The following CDYL2 variants were observed in gnomAD, a reference collection of about 807,000 sequenced individuals.
The protein encoded by CDYL2 is chromodomain Y like 2.
In CDYL2, 23 loss-of-function variants were observed where a neutral mutation model predicts 49.4. The ratio of observed to expected loss-of-function variants is 0.47; its 90% CI spans 0.34 to 0.66. The LOEUF (loss-of-function observed/expected upper bound fraction) is 0.66, where lower values mean the gene tolerates loss of function less well. Among genes scored for constraint, CDYL2 ranks in the 30% least tolerant of loss-of-function variants. The probability of loss-of-function intolerance (pLI) is 0.01; values close to 1 mark genes in which losing one functional copy is unlikely to be tolerated. For missense variants in CDYL2, 678 were observed against 656.4 expected (o/e 1.03, Z -0.36); for synonymous variants, 360 against 268.8 (o/e 1.34, Z -3.32).
rs11314867 is a variant in CDYL2 at position 80,659,670 on chromosome 16, T to TA, written c.616+24867dup. On this transcript the variant is annotated intron_variant, in intron 2 of 6. Coordinates refer to ENST00000570137, the MANE Select transcript of CDYL2 (RefSeq NM_152342.4). ...CACACACAGAAAGAGAGAAAAAAGT[T>TA]AAAAAAACTGGTTAATCAGAAAATG... is the stretch of plus-strand genomic sequence containing the variant. 2.2e-4 allele frequency among the ~76,000 whole-genome samples: 33 copies of TA among 151,706 alleles called. No individual in the cohort carries two copies. In the South Asian group the frequency reaches 6.5e-3, roughly 30 times the overall value.
chr16:80,627,037 A>AT (rs1272048421), intron 3 of CDYL2, among the ~76,000 whole-genome samples: 9 of 152,020 alleles, frequency 5.9e-5, no homozygotes, highest in Non-Finnish European at 7.4e-5. Flanking sequence ...CTGTTGGATG[A>AT]TTTTTTTTAA....
At chr16:80,668,803 G>A (rs951983993) in intron 2 of CDYL2, among the ~76,000 whole-genome samples, 1 of 152,122 alleles carries the variant, frequency 6.6e-6, no homozygotes, top group East Asian at 1.9e-4. Context: ...GGAGGCTGAG[G>A]CAGGACAACC....
At chr16:80,605,821 T>G (rs1567536505) in intron 6 of CDYL2, among the ~76,000 whole-genome samples, 1 of 152,238 alleles carries the variant, frequency 6.6e-6, no homozygotes, top group Non-Finnish European at 1.5e-5. Context: ...TCCTGAATTC[T>G]TTCATTTACT....
At chr16:80,790,210 T>C (rs1907566197) in intron 1 of CDYL2, among the ~76,000 whole-genome samples, 1 of 152,164 alleles carries the variant, frequency 6.6e-6, no homozygotes, top group African/African-American at 2.4e-5. Context: ...ATTCATTAAG[T>C]CAATAACCTA....
intron 2 of CDYL2, among the ~76,000 whole-genome samples, chr16:80,647,722 C>T (rs898489690): frequency 6.6e-6 from 1 of 152,138 alleles, no homozygotes; most frequent in Non-Finnish European, 1.5e-5. Flanking sequence ...AATCCAATGG[C>T]TGCAGCATTC....
At chr16:80,720,090 G>A (rs989206904) in intron 1 of CDYL2, among the ~76,000 whole-genome samples, 1 of 152,168 alleles carries the variant, frequency 6.6e-6, no homozygotes, top group African/African-American at 2.4e-5. Context: ...AGGCAGAAAT[G>A]GGCAGGTAGA....
At chr16:80,665,498 T>C (rs1909222867) in intron 2 of CDYL2, among the ~76,000 whole-genome samples, 1 of 101,364 alleles carries the variant, frequency 9.9e-6, no homozygotes, top group Admixed American at 1.2e-4. Context: ...ATTGAGGTTT[T>C]TGCCATTAAA....
At chr16:80,780,060 T>G (rs1597130277) in intron 1 of CDYL2, among the ~76,000 whole-genome samples, 1 of 152,128 alleles carries the variant, frequency 6.6e-6, no homozygotes, top group East Asian at 1.9e-4. Context: ...AGTCCCAAAC[T>G]TCATATAATC....
intron 2 of CDYL2, among the ~76,000 whole-genome samples, chr16:80,669,986 T>C (rs779426758): frequency 5.3e-5 from 8 of 152,224 alleles, no homozygotes; most frequent in Non-Finnish European, 1.2e-4. Context: ...CAGGAATCCC[T>C]CTGCCTAAGT....
In CDYL2 at chr16:80,773,193, C is replaced by A. The variant is rs187196509; in HGVS notation, c.24+30957G>T. Among the ~76,000 whole-genome samples, 37 of 152,072 alleles carry A rather than the reference C, an allele frequency of 2.4e-4. No individual in the cohort carries two copies. The East Asian group carries it at 3.1e-3, about 13-fold the overall frequency. The stretch of plus-strand genomic sequence containing the variant: ...ATATTTTTTAAAACAAAAAGTTTAA[C>A]TAGAGTTAGAAAGTGGAATTTTTTA... On this transcript the variant is annotated intron_variant, in intron 1 of 6. Transcript: ENST00000570137.
rs1286661484 is a variant in CDYL2, at chr16:80,670,859, C to G, written c.616+13679G>C. The stretch of plus-strand genomic sequence containing the variant: ...GCACACGAGGAAGATAAAAGGGGCT[C>G]TATACACAGCATAGTCAGGTTGCGC... On this transcript the variant is annotated intron_variant, in intron 2 of 6. Transcript: ENST00000570137. 8 of 455,172 alleles carry G rather than the reference C, an allele frequency of 1.8e-5. No homozygotes were observed. In the East Asian group the frequency reaches 5.6e-4, roughly 32 times the overall value. The allele number at this position is 455,172 out of a possible 1,614,324, so 28.2% of individuals were successfully genotyped here.
chr16:80,655,402 G>A (rs748968853), intron 2 of CDYL2, among the ~76,000 whole-genome samples: 9 of 152,176 alleles, frequency 5.9e-5, no homozygotes, highest in African/African-American at 9.7e-5. Context: ...TGCCCTCATG[G>A]AGCTTGCTTT....
At chr16:80,677,553 C>T (rs1273976199) in intron 2 of CDYL2, among the ~76,000 whole-genome samples, 9 of 151,634 alleles carry the variant, frequency 5.9e-5, no homozygotes, top group Admixed American at 3.9e-4. Flanking sequence ...CTGCCCAACA[C>T]GGTGAAACCC....
chr16:80,732,723 C>A (rs1235648009), intron 1 of CDYL2, among the ~76,000 whole-genome samples: 1 of 152,144 alleles, frequency 6.6e-6, no homozygotes, highest in African/African-American at 2.4e-5. Context: ...AGAATCCGGG[C>A]ATTACATGAG....
At chr16:80,630,806 C>A (rs933250552) in intron 3 of CDYL2, among the ~76,000 whole-genome samples, 7 of 152,124 alleles carry the variant, frequency 4.6e-5, no homozygotes, top group African/African-American at 1.7e-4. Context: ...GGGTCTATTT[C>A]AACCATAATA....
chr16:80,671,905 A>G (rs182175008), intron 2 of CDYL2, among the ~76,000 whole-genome samples: 1 of 152,382 alleles, frequency 6.6e-6, no homozygotes, highest in African/African-American at 2.4e-5. Flanking sequence ...AAAGATGTTT[A>G]GACCTAACCT....
intron 1 of CDYL2, among the ~76,000 whole-genome samples, chr16:80,753,726 T>A (rs1032048369): frequency 6.6e-6 from 1 of 151,966 alleles, no homozygotes; most frequent in Non-Finnish European, 1.5e-5. Flanking sequence ...AGATAGAAAA[T>A]CTCTTCTTAA....
At position 80,712,345 on chromosome 16, in the gene CDYL2, G is replaced by A. The variant is rs1904648192; in HGVS notation, c.25-27216C>T. On this transcript the variant is annotated intron_variant, in intron 1 of 6. Transcript: ENST00000570137. ...GGAGACCATGCATAAGACCCCCAGTGCAAACTATCCCTGCCTGGTGTCCTT... is the reference window on the plus strand; with the variant it reads ...GGAGACCATGCATAAGACCCCCAGTACAAACTATCCCTGCCTGGTGTCCTT... 4.6e-5 allele frequency among the ~76,000 whole-genome samples: 7 copies of A among 151,910 alleles called. No individual in the cohort carries two copies. In the South Asian group the frequency reaches 1.5e-3, roughly 32 times the overall value.
chr16:80,794,535 T>TA (rs149397945), intron 1 of CDYL2, among the ~76,000 whole-genome samples: 3,562 of 151,660 alleles, frequency 0.023, 140 homozygotes, highest in African/African-American at 0.083. Context: ...TTCAATGTGT[T>TA]AAAAATATGG....
Sources: gnomAD v4.1 joint callset for allele counts (sites outside exome capture counted in the v4.1 genomes callset) on GRCh38, gnomAD v4.1.1 for gene constraint, MANE v1.5 for transcripts, NCBI Gene and HGNC (gene_info 2026-07-23, HGNC 2026-07-21) for gene names.